The following PXDNL variants were observed in gnomAD, a reference collection of about 807,000 sequenced individuals.
The protein encoded by PXDNL is probable oxidoreductase PXDNL.
Under a neutral mutation model 150.8 loss-of-function variants are expected in PXDNL, and 145 were observed. The observed-to-expected ratio is 0.96, with a 90% CI of 0.84 to 1.10. PXDNL has a LOEUF of 1.10. Ranked by LOEUF, PXDNL falls within the 50% of genes least tolerant of loss-of-function variation. The probability of loss-of-function intolerance (pLI) is 0.00; values close to 1 mark genes in which losing one functional copy is unlikely to be tolerated. For synonymous variants in PXDNL, 757 were observed against 725.7 expected (o/e 1.04, Z -0.69); for missense variants, 2,087 against 1,873.9 (o/e 1.11, Z -2.10).
chr8:51,684,199 T>G (rs1815822443), intron 1 of PXDNL, among the ~76,000 whole-genome samples: 1 of 152,218 alleles, frequency 6.6e-6, no homozygotes, highest in Non-Finnish European at 1.5e-5. Flanking sequence ...AGTCATTGTG[T>G]CCAGTTCACA....
rs967699545 is a variant in PXDNL at position 51,809,444 on chromosome 8, C to T, written c.-100G>A. On this transcript the variant is annotated 5_prime_UTR_variant, in exon 1 of 23. Coordinates refer to ENST00000356297, the MANE Select transcript of PXDNL (RefSeq NM_144651.5). ...AGTGGTGGTGATGGTGGCTGCTGGA[C>T]TGAGCCAAGTTTGGGAGCCGTGGTG... 4 of 1,243,746 alleles carry T rather than the reference C, an allele frequency of 3.2e-6. No homozygotes were observed. The Admixed American group carries it at 9.1e-5, about 28-fold the overall frequency. 77.0% of individuals were successfully genotyped at this position (1,243,746 alleles called of 1,614,324 possible). A position where few individuals can be genotyped will look rare whatever the true frequency, so the allele number is the denominator to read the frequency against.
rs971291901 is a variant in PXDNL, at chr8:51,698,631, A to G, written c.165-43871T>C. ...CTGTTAATGTTGATATTTTTATTAT[A>G]CCTTCTCTCATGGATCACGCCTGTT... is the stretch of plus-strand genomic sequence containing the variant. On this transcript the variant is annotated intron_variant, in intron 1 of 22. Transcript: ENST00000356297. Among the ~76,000 whole-genome samples the G allele has an allele frequency of 3.3e-5, 5 of 152,178 alleles. No homozygotes were observed. The East Asian group carries it at 9.6e-4, about 29-fold the overall frequency.
At chr8:51,436,387 C>A in intron 12 of PXDNL, 1 of 421,544 alleles carries the variant, frequency 2.4e-6, no homozygotes, top group South Asian at 1.9e-5. Flanking sequence ...CTACCAGGCA[C>A]CAAAAATGCA....
intron 4 of PXDNL, among the ~76,000 whole-genome samples, chr8:51,520,170 C>T (rs1437849326): frequency 6.6e-6 from 1 of 152,146 alleles, no homozygotes; most frequent in African/African-American, 2.4e-5. Context: ...TATCACAGTG[C>T]TGTCTGCCCA....
At chr8:51,569,546 T>G (rs1415426059) in intron 3 of PXDNL, among the ~76,000 whole-genome samples, 1 of 152,006 alleles carries the variant, frequency 6.6e-6, no homozygotes. Flanking sequence ...TAATTTAGTA[T>G]TCAATATTAT....
chr8:51,372,117 T>C (rs1276110491), intron 18 of PXDNL, 36 bp from the exon 19 acceptor site: 1 of 1,502,272 alleles, frequency 6.7e-7, no homozygotes, highest in Admixed American at 2.0e-5. Context: ...TTGTCGTGGG[T>C]CTGTGGCCTG....
At position 51,483,632 on chromosome 8, in the gene PXDNL, C is replaced by A. The variant is rs1285400248; in HGVS notation, c.524+11G>T. The stretch of plus-strand genomic sequence containing the variant: ...AAAGGTTTTTGTGTTAATGCACTTG[C>A]TTTCACTTACAATCTTTTTAATGAA... On this transcript the variant is annotated intron_variant, in intron 6 of 22. Coordinates refer to ENST00000356297, the MANE Select transcript of PXDNL (RefSeq NM_144651.5). The A allele has an allele frequency of 1.3e-6, 2 of 1,486,196 alleles. No individual in the cohort carries two copies. Among genetic ancestry groups the A allele is most frequent in the Non-Finnish European group, 1.8e-6 (2 of 1,092,370 alleles). 92.1% of individuals were successfully genotyped at this position (1,486,196 alleles called of 1,614,324 possible). A position where few individuals can be genotyped will look rare whatever the true frequency, so the allele number is the denominator to read the frequency against.
At position 51,483,647 on chromosome 8, in the gene PXDNL, T is replaced by C; in HGVS notation, c.520A>G (p.Arg174Gly). 1.3e-6 allele frequency: 2 copies of C among 1,511,732 alleles called. No homozygotes were observed. The highest frequency in any genetic ancestry group is 1.8e-6 in the Non-Finnish European group (2 of 1,114,722). The allele number at this position is 1,511,732 out of a possible 1,614,324, so 93.6% of individuals were successfully genotyped here. The change falls in exon 6 of 23, where the codon AGA (arginine) becomes GGA (glycine). Residue 174 changes from arginine (R) to glycine (G), a missense_variant. Arg to Gly is a moderately radical substitution (Grantham distance 125). Coordinates refer to ENST00000356297, the MANE Select transcript of PXDNL (RefSeq NM_144651.5). Reference protein sequence around the residue: ...GSFSNLDSLKRLRLDSNALVC... With the variant: ...GSFSNLDSLKGLRLDSNALVC... ...AATGCACTTGCTTTCACTTACAATC[T>C]TTTTAATGAATCCAGATTAGAAAAG...
intron 2 of PXDNL, among the ~76,000 whole-genome samples, chr8:51,627,058 T>C (rs528754224): frequency 6.6e-6 from 1 of 152,232 alleles, no homozygotes; most frequent in Non-Finnish European, 1.5e-5. Flanking sequence ...AAAGCATATA[T>C]CTTTATTTGA....
chr8:51,558,629 T>G lies in PXDNL; in HGVS notation c.309-1718A>C, dbSNP rs147675991. ...AGTTTCAAAACTTAAAACTAAAGGTTTCCCATAATATTTTATCTCAGATAC... is the reference window on the plus strand; with the variant it reads ...AGTTTCAAAACTTAAAACTAAAGGTGTCCCATAATATTTTATCTCAGATAC... On this transcript the variant is annotated intron_variant, in intron 3 of 22. Transcript: ENST00000356297. Among the ~76,000 whole-genome samples the G allele has an allele frequency of 1.5e-3, 224 of 152,216 alleles. 1 individual carries two copies. The highest frequency in any genetic ancestry group is 5.1e-3 in the African/African-American group (212 of 41,556).
chr8:51,339,517 T>C (rs1805928001), intron 21 of PXDNL, 107 bp downstream of exon 21: 2 of 1,162,688 alleles, frequency 1.7e-6, no homozygotes, highest in Non-Finnish European at 2.4e-6. Context: ...TAGGTTTTTA[T>C]TATTCTGATA....
rs573448219 is a variant in PXDNL at position 51,764,339 on chromosome 8, A to C, written c.164+44842T>G. Among the ~76,000 whole-genome samples, 5 of 137,228 alleles carry C rather than the reference A, an allele frequency of 3.6e-5. No individual in the cohort carries two copies. The East Asian group carries it at 8.5e-4, about 23-fold the overall frequency. 90.0% of individuals were successfully genotyped at this position (137,228 alleles called of 152,430 possible). On this transcript the variant is annotated intron_variant, in intron 1 of 22. Transcript: ENST00000356297. ...AGCTTTGAACTTTATGATTTCTTTC[A>C]TTCTGCTTGCTTTGGGTTCAGTTTG...
At chr8:51,774,940 T>C (rs1164490569) in intron 1 of PXDNL, among the ~76,000 whole-genome samples, 5 of 152,256 alleles carry the variant, frequency 3.3e-5, no homozygotes, top group African/African-American at 9.6e-5. Context: ...AGATACATGA[T>C]ACATTTTAAA....
chr8:51,799,679 G>C (rs2037598530), intron 1 of PXDNL, among the ~76,000 whole-genome samples: 1 of 152,124 alleles, frequency 6.6e-6, no homozygotes, highest in Admixed American at 6.6e-5. Flanking sequence ...ATAGACCATG[G>C]CAAAATCAGC....
intron 3 of PXDNL, among the ~76,000 whole-genome samples, chr8:51,578,990 A>C (rs1813148498): frequency 6.6e-6 from 1 of 152,036 alleles, no homozygotes; most frequent in African/African-American, 2.4e-5. Context: ...GTAAATATGT[A>C]AACTATAAAT....
chr8:51,647,511 G>T (rs2130790572), intron 2 of PXDNL, among the ~76,000 whole-genome samples: 1 of 152,178 alleles, frequency 6.6e-6, no homozygotes. Flanking sequence ...AATACAGCAG[G>T]TTCTGTATTT....
At chr8:51,791,423 G>C (rs1005081245) in intron 1 of PXDNL, among the ~76,000 whole-genome samples, 1 of 152,208 alleles carries the variant, frequency 6.6e-6, no homozygotes, top group Non-Finnish European at 1.5e-5. Flanking sequence ...CATTCAGGAA[G>C]GCACCCTTAA....
At chr8:51,623,961 C>T (rs939432201) in intron 2 of PXDNL, among the ~76,000 whole-genome samples, 18 of 151,816 alleles carry the variant, frequency 1.2e-4, no homozygotes, top group Admixed American at 2.6e-4. Context: ...GCTGTGGTGG[C>T]GTATTCCTGT....
intron 2 of PXDNL, among the ~76,000 whole-genome samples, chr8:51,602,633 A>T (rs1025035293): frequency 2.0e-5 from 3 of 151,844 alleles, no homozygotes; most frequent in African/African-American, 7.2e-5. Context: ...CTCAAAATTT[A>T]TGTTAAGAAC....
Sources: gnomAD v4.1 joint callset for allele counts (sites outside exome capture counted in the v4.1 genomes callset) on GRCh38, gnomAD v4.1.1 for gene constraint, MANE v1.5 for transcripts, NCBI Gene and HGNC (gene_info 2026-07-23, HGNC 2026-07-21) for gene names.